The following NOS1 variants were observed in gnomAD, a reference collection of about 807,000 sequenced individuals.
NOS1 encodes NOS type I.
NOS1 carries 51 observed loss-of-function variants against 164.5 expected under a neutral mutation model. That is an observed-to-expected ratio of 0.31 (90% CI 0.25 to 0.39). The LOEUF (loss-of-function observed/expected upper bound fraction) is 0.39. Ranked by LOEUF, NOS1 falls within the 10% of genes least tolerant of loss-of-function variation. The pLI is 1.00. For missense variants in NOS1, 1,362 were observed against 1,885.6 expected (o/e 0.72, Z 5.14); for synonymous variants, 719 against 745.8 (o/e 0.96, Z 0.59).
In NOS1 at chr12:117,286,034, G is replaced by A. The variant is rs909853298; in HGVS notation, c.1290+70C>T. 3.2e-6 allele frequency: 5 copies of A among 1,553,294 alleles called. No homozygotes were observed. In the African/African-American group the frequency reaches 5.4e-5, roughly 17 times the overall value. On this transcript the variant is annotated intron_variant, in intron 6 of 28. Transcript: ENST00000317775. ...TTGGTAGAAGCTTATCCTTTTTAAA[G>A]CTCCATCCACTCCCCTTCCCCTCTT...
intron 2 of NOS1, among the ~76,000 whole-genome samples, chr12:117,318,199 G>A (rs879377492): frequency 7.9e-5 from 12 of 152,074 alleles, no homozygotes; most frequent in Non-Finnish European, 1.5e-4. Context: ...AGATTTCTGA[G>A]CTCTCCTCCT....
At chr12:117,236,598 T>C (rs925655514) in intron 20 of NOS1, among the ~76,000 whole-genome samples, 6 of 152,064 alleles carry the variant, frequency 3.9e-5, no homozygotes, top group Admixed American at 1.3e-4. Flanking sequence ...CTTTGGTTCC[T>C]GGGGAGCAAA....
chr12:117,256,793 A>G (rs1871493936), intron 16 of NOS1, among the ~76,000 whole-genome samples: 1 of 150,952 alleles, frequency 6.6e-6, no homozygotes, highest in Non-Finnish European at 1.5e-5. Flanking sequence ...TTTTTTTGTC[A>G]TGGTGCGGTG....
At chr12:117,215,903 A>G in intron 28 of NOS1, among the ~76,000 whole-genome samples, 1 of 121,690 alleles carries the variant, frequency 8.2e-6, no homozygotes. Flanking sequence ...TGAGACTGAG[A>G]GTCTCACTGT....
intron 11 of NOS1, among the ~76,000 whole-genome samples, chr12:117,265,990 G>A (rs1413847610): frequency 2.6e-5 from 4 of 151,052 alleles, no homozygotes; most frequent in Admixed American, 1.3e-4. Context: ...TAGTAGAGAC[G>A]GGGTTTCACC....
rs760466885 is a variant in NOS1, at chr12:117,234,987, C to G, written c.3042-229G>C. Among the ~76,000 whole-genome samples the G allele has an allele frequency of 2.0e-5, 3 of 151,908 alleles. No individual in the cohort carries two copies. The highest frequency in any genetic ancestry group is 2.9e-5 in the Non-Finnish European group (2 of 67,980). On this transcript the variant is annotated intron_variant, in intron 20 of 28. Transcript: ENST00000317775. This position sits in a 1 kb window ranked among gnomAD's most constrained non-coding sequence, Gnocchi z 4.3. ...TGGCTGGAGTGCAGTGGTGCGATCA[C>G]GGCTCACTGCAGCCTCTATCTCCCA...
At chr12:117,354,488 T>C (rs938502987) in intron 1 of NOS1, among the ~76,000 whole-genome samples, 3 of 152,220 alleles carry the variant, frequency 2.0e-5, no homozygotes, top group African/African-American at 7.2e-5. Context: ...TTCATTTTTC[T>C]TACTGAGTAT....
chr12:117,305,197 TCACG>T (rs1462585110), intron 3 of NOS1: 2 of 517,670 alleles, frequency 3.9e-6, no homozygotes, highest in African/African-American at 4.2e-5. Flanking sequence ...GAGCGGTGGC[TCACG>T]CCTGTAATCT....
Position 117,209,334 on chromosome 12 carries a change from T to C in NOS1, c.*5975A>G. On this transcript the variant is annotated 3_prime_UTR_variant, in exon 29 of 29. Transcript: ENST00000317775. ...AGGCCAGGAATGCTGCTCAGCTTCC[T>C]ACAGTACCCAAGACGGCCCCCACAA... 2 of 967,422 alleles carry C rather than the reference T, an allele frequency of 2.1e-6. No homozygotes were observed. Among genetic ancestry groups the C allele is most frequent in the Non-Finnish European group, 2.5e-6 (2 of 813,652 alleles). 59.9% of individuals were successfully genotyped at this position (967,422 alleles called of 1,614,324 possible).
rs984057187 is a variant in NOS1, at chr12:117,239,622, C to T, written c.3041+3005G>A. On this transcript the variant is annotated intron_variant, in intron 20 of 28. Coordinates refer to ENST00000317775, the MANE Select transcript of NOS1 (RefSeq NM_000620.5). ...GGGATTAGTGATATCTTGGTTGTGG[C>T]CTTTTGGGCCAGACAGCCCAACTTC... Among the ~76,000 whole-genome samples, 6 of 152,222 alleles carry T rather than the reference C, an allele frequency of 3.9e-5. 1 individual carries two copies. In the South Asian group the frequency reaches 1.0e-3, roughly 26 times the overall value.
intron 28 of NOS1, among the ~76,000 whole-genome samples, chr12:117,216,368 G>C (rs1458186460): frequency 6.6e-6 from 1 of 151,798 alleles, no homozygotes; most frequent in Non-Finnish European, 1.5e-5. Flanking sequence ...ATTTTTAGTA[G>C]AGATGGGGTT....
chr12:117,228,952 T>G (rs1868945542), intron 22 of NOS1, among the ~76,000 whole-genome samples: 1 of 151,902 alleles, frequency 6.6e-6, no homozygotes, highest in Admixed American at 6.6e-5. Flanking sequence ...CAGCTAATTG[T>G]TTGTATTTTT....
rs142739035 is a variant in NOS1, at chr12:117,304,038, G to A, written c.852+7428C>T. Among the ~76,000 whole-genome samples, 1,193 of 152,218 alleles carry A rather than the reference G, an allele frequency of 7.8e-3. 18 individuals are homozygous for A. Among genetic ancestry groups the A allele is most frequent in the African/African-American group, 0.027 (1,132 of 41,536 alleles). ...ATACAAAAAATTAGCCGGGCGTGGCGGCGTGCGCCTGTAGTCCCAGCTGCT... is the reference window on the plus strand; with the variant it reads ...ATACAAAAAATTAGCCGGGCGTGGCAGCGTGCGCCTGTAGTCCCAGCTGCT... On this transcript the variant is annotated intron_variant, in intron 3 of 28. Transcript: ENST00000317775.
At position 117,208,669 on chromosome 12, in the gene NOS1, A is replaced by C; in HGVS notation, c.*6640T>G. ...TCAGTGAGTCTTAATCAGAACCAAC[A>C]CCAAGGACACAGTGTCTTATTGAAA... On this transcript the variant is annotated 3_prime_UTR_variant, in exon 29 of 29. Transcript: ENST00000317775. 9.1e-7 allele frequency: 1 copy of C among 1,096,474 alleles called. No homozygotes were observed. The allele number at this position is 1,096,474 out of a possible 1,614,324, so 67.9% of individuals were successfully genotyped here.
intron 1 of NOS1, among the ~76,000 whole-genome samples, chr12:117,342,379 C>T (rs927487881): frequency 1.1e-4 from 16 of 151,978 alleles, no homozygotes; most frequent in African/African-American, 3.1e-4. Flanking sequence ...AGGGTGCTAA[C>T]GAGACCTTGC....
intron 2 of NOS1, among the ~76,000 whole-genome samples, chr12:117,326,396 AAAAAAC>A (rs761128445): frequency 6.2e-5 from 2 of 32,030 alleles, no homozygotes; most frequent in African/African-American, 4.0e-5. Flanking sequence ...AAAAAAAAAA[AAAAAAC>A]AAAAAAACAA....
intron 3 of NOS1, among the ~76,000 whole-genome samples, chr12:117,299,533 G>A (rs1404157697): frequency 6.6e-6 from 1 of 151,718 alleles, no homozygotes; most frequent in Non-Finnish European, 1.5e-5. Context: ...CAGCTACTCG[G>A]GAGGCTGAGG....
At chr12:117,229,700 T>C (rs1484380660) in intron 22 of NOS1, among the ~76,000 whole-genome samples, 1 of 151,904 alleles carries the variant, frequency 6.6e-6, no homozygotes, top group Non-Finnish European at 1.5e-5. Context: ...GCGATTCTCC[T>C]ACCTCAGCCT....
At chr12:117,249,409 CT>C (rs1312735794) in intron 17 of NOS1, among the ~76,000 whole-genome samples, 5 of 152,150 alleles carry the variant, frequency 3.3e-5, no homozygotes, top group Non-Finnish European at 7.3e-5. Flanking sequence ...TTCTTGCATG[CT>C]TCTAAGCTGG....
Sources: allele counts gnomAD v4.1 joint callset (sites outside exome capture counted in the v4.1 genomes callset), GRCh38; gene constraint gnomAD v4.1.1; non-coding constraint Gnocchi (gnomAD v3.1); transcripts MANE v1.5; gene names NCBI Gene and HGNC (gene_info 2026-07-23, HGNC 2026-07-21).